Variants in NRXN3 observed in about 807,000 individuals in gnomAD.
The protein encoded by NRXN3 is neurexin 3.
In NRXN3, 32 loss-of-function variants were observed where a neutral mutation model predicts 137.6. That is an observed-to-expected ratio of 0.23 (90% CI 0.18 to 0.31). The LOEUF is 0.31. Among genes scored for constraint, NRXN3 ranks in the 10% least tolerant of loss-of-function variants. NRXN3 has a pLI of 1.00. For missense variants in NRXN3, 1,574 were observed against 2,062.5 expected (o/e 0.76, Z 4.59); for synonymous variants, 798 against 784.5 (o/e 1.02, Z -0.29).
chr14:79,066,972 T>C (rs967431813), intron 15 of NRXN3, among the ~76,000 whole-genome samples: 2 of 152,146 alleles, frequency 1.3e-5, no homozygotes, highest in Non-Finnish European at 2.9e-5. Flanking sequence ...TCCTCTTGCC[T>C]GGTTGCCCTG....
chr14:78,965,916 A>T, intron 11 of NRXN3, 109 bp from the exon 12 acceptor site: 4 of 1,274,870 alleles, frequency 3.1e-6, no homozygotes, highest in Non-Finnish European at 4.4e-6. Context: ...TCACCCAAGA[A>T]AGCTGAATAT....
intron 1 of NRXN3, among the ~76,000 whole-genome samples, chr14:78,208,900 C>A (rs534738026): frequency 6.6e-6 from 1 of 152,160 alleles, no homozygotes; most frequent in African/African-American, 2.4e-5. Flanking sequence ...GTCCCCATGA[C>A]GGTTGGGGCC....
At chr14:78,769,431 G>T (rs2098719805) in intron 8 of NRXN3, among the ~76,000 whole-genome samples, 1 of 152,128 alleles carries the variant, frequency 6.6e-6, no homozygotes, top group African/African-American at 2.4e-5. Context: ...ACTTACACAT[G>T]TCTTTTTGAA....
chr14:78,440,689 T>G (rs1003959742), intron 4 of NRXN3, among the ~76,000 whole-genome samples: 3 of 152,048 alleles, frequency 2.0e-5, no homozygotes, highest in Non-Finnish European at 4.4e-5. Context: ...AGGCTGCTTT[T>G]ATTAGAGCAA....
At chr14:78,918,557 A>G (rs2099262897) in intron 10 of NRXN3, among the ~76,000 whole-genome samples, 1 of 152,164 alleles carries the variant, frequency 6.6e-6, no homozygotes, top group Admixed American at 6.5e-5. Context: ...TATTATGACT[A>G]AAGAGCGTAA....
chr14:78,724,097 A>G (rs1238941225), intron 8 of NRXN3, among the ~76,000 whole-genome samples: 1 of 152,232 alleles, frequency 6.6e-6, no homozygotes, highest in Non-Finnish European at 1.5e-5. Flanking sequence ...AAAACTGGCC[A>G]TATTTGAAAT....
chr14:79,319,981 T>A (rs921956442), intron 15 of NRXN3, among the ~76,000 whole-genome samples: 8 of 152,234 alleles, frequency 5.3e-5, no homozygotes, highest in African/African-American at 1.9e-4. Flanking sequence ...TATTTATTTT[T>A]AAATTTCTTT....
chr14:79,106,013 A>G (rs575492491), intron 15 of NRXN3, among the ~76,000 whole-genome samples: 1 of 152,210 alleles, frequency 6.6e-6, no homozygotes, highest in Admixed American at 6.6e-5. Context: ...GATCACCACT[A>G]TATACTCAAC....
chr14:79,724,957 T>A (rs919831535), intron 19 of NRXN3, among the ~76,000 whole-genome samples: 52 of 152,170 alleles, frequency 3.4e-4, no homozygotes, highest in African/African-American at 1.2e-3. Flanking sequence ...AAAGAGGAAT[T>A]TAACCAGTCT....
intron 15 of NRXN3, among the ~76,000 whole-genome samples, chr14:79,150,173 G>A (rs539003731): frequency 1.6e-4 from 25 of 152,150 alleles, no homozygotes; most frequent in African/African-American, 6.0e-4. Context: ...GTTCCAGTGT[G>A]TATATGGACA....
At chr14:78,274,699 A>G (rs2073323454) in intron 2 of NRXN3, among the ~76,000 whole-genome samples, 1 of 152,190 alleles carries the variant, frequency 6.6e-6, no homozygotes, top group Non-Finnish European at 1.5e-5. Flanking sequence ...TTCAGAGTGG[A>G]GGCAGGAATA....
intron 10 of NRXN3, among the ~76,000 whole-genome samples, chr14:78,813,628 C>G (rs1011224832): frequency 1.3e-5 from 2 of 152,030 alleles, no homozygotes; most frequent in African/African-American, 4.8e-5. Context: ...TCTGAAAAGT[C>G]ACTTGGGTAA....
chr14:79,562,868 T>C (rs990268247), intron 16 of NRXN3, among the ~76,000 whole-genome samples: 1 of 152,214 alleles, frequency 6.6e-6, no homozygotes, highest in East Asian at 1.9e-4. Context: ...CTACTAATTA[T>C]TTTGACAGAC....
At chr14:78,200,789 C>G (rs1221110306) in intron 1 of NRXN3, among the ~76,000 whole-genome samples, 1 of 152,150 alleles carries the variant, frequency 6.6e-6, no homozygotes, top group Non-Finnish European at 1.5e-5. Flanking sequence ...TAGCTACTCC[C>G]CTCATCCTTG....
chr14:78,386,779 CTCTTTTT>C (rs1458462607), intron 4 of NRXN3, among the ~76,000 whole-genome samples: 2 of 151,862 alleles, frequency 1.3e-5, no homozygotes, highest in Non-Finnish European at 2.9e-5. Flanking sequence ...TATATTGTTT[CTCTTTTT>C]TCTTTTTTTT....
At chr14:79,401,059 G>A (rs1489063922) in intron 15 of NRXN3, among the ~76,000 whole-genome samples, 3 of 152,208 alleles carry the variant, frequency 2.0e-5, no homozygotes, top group Admixed American at 6.5e-5. Flanking sequence ...GGCAGAGTCA[G>A]TAGCTGCCCA....
chr14:78,419,401 G>C (rs1016268399), intron 4 of NRXN3, among the ~76,000 whole-genome samples: 39 of 152,098 alleles, frequency 2.6e-4, no homozygotes, highest in African/African-American at 9.2e-4. Context: ...CTACCACCTG[G>C]CTAATTTTTG....
At chr14:79,158,748 A>G (rs2060485640) in intron 15 of NRXN3, among the ~76,000 whole-genome samples, 1 of 151,868 alleles carries the variant, frequency 6.6e-6, no homozygotes, top group Non-Finnish European at 1.5e-5. Context: ...GTAAGCTATG[A>G]TACCAGTGAT....
At chr14:78,520,999 T>G (rs1427051940) in intron 4 of NRXN3, among the ~76,000 whole-genome samples, 1 of 152,186 alleles carries the variant, frequency 6.6e-6, no homozygotes, top group African/African-American at 2.4e-5. Context: ...CTGAATGACA[T>G]TGTTTTACTT....
Sources: gnomAD v4.1 joint callset for allele counts (sites outside exome capture counted in the v4.1 genomes callset) on GRCh38, gnomAD v4.1.1 for gene constraint, MANE v1.5 for transcripts, NCBI Gene and HGNC (gene_info 2026-07-23, HGNC 2026-07-21) for gene names.